The following MYL1 variants were observed in gnomAD, a reference collection of about 807,000 sequenced individuals.
The protein encoded by MYL1 is myosin light chain 1/3, skeletal muscle isoform.
MYL1 carries 16 observed loss-of-function variants against 21.8 expected under a neutral mutation model. The observed-to-expected ratio is 0.74, with a 90% confidence interval of 0.50 to 1.12. The LOEUF (loss-of-function observed/expected upper bound fraction) is 1.12, where lower values mean the gene tolerates loss of function less well. Ranked by LOEUF, MYL1 falls within the 50% of genes most tolerant of loss-of-function variation. The pLI is 0.00. For synonymous variants in MYL1, 99 were observed against 85.2 expected (o/e 1.16, Z -0.89); for missense variants, 246 against 241.0 (o/e 1.02, Z -0.14).
intron 1 of MYL1, among the ~76,000 whole-genome samples, chr2:210,305,971 A>C (rs1237262301): frequency 6.6e-6 from 1 of 152,080 alleles, no homozygotes; most frequent in Non-Finnish European, 1.5e-5. Flanking sequence ...GAGGAAGGAG[A>C]ATTGCTTAAA....
At chr2:210,299,859 A>C (rs1331000067) in intron 2 of MYL1, among the ~76,000 whole-genome samples, 1 of 152,162 alleles carries the variant, frequency 6.6e-6, no homozygotes, top group East Asian at 1.9e-4. Flanking sequence ...TTAGGCTATC[A>C]GTGGTTTCAG....
chr2:210,307,618 G>T (rs866255574), intron 1 of MYL1, among the ~76,000 whole-genome samples: 4 of 151,922 alleles, frequency 2.6e-5, no homozygotes, highest in Non-Finnish European at 5.9e-5. Context: ...CTACATATTT[G>T]CTTAGACTCT....
At chr2:210,295,940 T>C (rs1690167570) in intron 3 of MYL1, among the ~76,000 whole-genome samples, 1 of 152,182 alleles carries the variant, frequency 6.6e-6, no homozygotes, top group Non-Finnish European at 1.5e-5. Flanking sequence ...GAAATTTCCT[T>C]CCAAAGAAAA....
intron 5 of MYL1, among the ~76,000 whole-genome samples, chr2:210,293,132 AT>A (rs1372449625): frequency 6.6e-6 from 1 of 152,146 alleles, no homozygotes; most frequent in Middle Eastern, 3.2e-3. Flanking sequence ...AAATTAAAAA[AT>A]TTTTAAATTT....
intron 5 of MYL1, among the ~76,000 whole-genome samples, chr2:210,292,964 C>G (rs114371484): frequency 3.3e-5 from 5 of 152,100 alleles, no homozygotes; most frequent in Non-Finnish European, 7.4e-5. Flanking sequence ...ATATGCTTGG[C>G]TAAGCCCTTT....
chr2:210,303,630 C>T, intron 1 of MYL1: 1 of 1,561,856 alleles, frequency 6.4e-7, no homozygotes, highest in East Asian at 2.3e-5. Flanking sequence ...TCATCCCTGG[C>T]TGAGGCTTCC....
intron 3 of MYL1, among the ~76,000 whole-genome samples, chr2:210,297,474 G>A (rs1004135912): frequency 2.7e-5 from 4 of 149,664 alleles, no homozygotes; most frequent in Non-Finnish European, 4.4e-5. Context: ...TTTGAAGGAT[G>A]TCTATTCAGT....
chr2:210,298,354 A>ACACACG, intron 3 of MYL1, 66 bp downstream of exon 3: 1 of 1,561,312 alleles, frequency 6.4e-7, no homozygotes, highest in Non-Finnish European at 8.8e-7. Context: ...ACACACACAC[A>ACACACG]CACACACACA....
chr2:210,291,098 T>G, intron 5 of MYL1, 24 bp from the exon 6 acceptor site: 1 of 1,593,344 alleles, frequency 6.3e-7, no homozygotes. Context: ...ATAGACAAAA[T>G]AGACAATTTA....
rs369704318 is a variant in MYL1, at chr2:210,291,194, C to T, written c.557-120G>A. The T allele has an allele frequency of 5.1e-6, 4 of 784,808 alleles. No individual in the cohort carries two copies. The African/African-American group carries it at 7.0e-5, about 14-fold the overall frequency. The allele number at this position is 784,808 out of a possible 1,614,324, so 48.6% of individuals were successfully genotyped here. On this transcript the variant is annotated intron_variant, in intron 5 of 6. Coordinates refer to ENST00000352451, the MANE Select transcript of MYL1 (RefSeq NM_079420.3). The stretch of plus-strand genomic sequence containing the variant: ...TTTAGCTGTAACAATAGTTTCTTTT[C>T]TTTTGTATTTAAGGTGTGTATAGCT...
chr2:210,299,106 AT>A (rs1485107138), intron 2 of MYL1, among the ~76,000 whole-genome samples: 2 of 152,152 alleles, frequency 1.3e-5, no homozygotes, highest in African/African-American at 4.8e-5. Flanking sequence ...GGTGAGACAA[AT>A]CTATACATTC....
In MYL1 at chr2:210,291,104, AT is replaced by A. The variant is rs1220582038; in HGVS notation, c.557-31del. 3 of 1,585,446 alleles carry A rather than the reference AT, an allele frequency of 1.9e-6. No individual in the cohort carries two copies. The Admixed American group carries it at 5.1e-5, about 27-fold the overall frequency. Reference sequence around the variant, plus strand: ...AGGAGCAAAATAGACAAAATAGACAATTTAGAGTTAGGAAACAGTCAAATTT... The same window carrying A: ...AGGAGCAAAATAGACAAAATAGACAATTAGAGTTAGGAAACAGTCAAATTT... On this transcript the variant is annotated intron_variant, in intron 5 of 6. Coordinates refer to ENST00000352451, the MANE Select transcript of MYL1 (RefSeq NM_079420.3).
chr2:210,308,844 T>C (rs976626009), intron 1 of MYL1, among the ~76,000 whole-genome samples: 2 of 131,496 alleles, frequency 1.5e-5, no homozygotes, highest in African/African-American at 5.8e-5. Flanking sequence ...TGTAATTTCT[T>C]AAAAACCTAC....
intron 1 of MYL1, among the ~76,000 whole-genome samples, chr2:210,311,858 A>T (rs1350972509): frequency 6.6e-6 from 1 of 151,996 alleles, no homozygotes; most frequent in Non-Finnish European, 1.5e-5. Flanking sequence ...AGAACCACCA[A>T]GGACAATAAC....
rs372979352 is a variant in MYL1, at chr2:210,314,907, T to C, written c.132+4A>G. Reference sequence around the variant, plus strand: ...GTGACCAAACAGTTCATCCATTTAGTTACCTTAATGGCAGAGAGGTCAATT... The same window carrying C: ...GTGACCAAACAGTTCATCCATTTAGCTACCTTAATGGCAGAGAGGTCAATT... On this transcript the variant is annotated splice_donor_region_variant and intron_variant, in intron 1 of 6. Transcript: ENST00000352451. 2 of 1,613,856 alleles carry C rather than the reference T, an allele frequency of 1.2e-6. No homozygotes were observed. The highest frequency in any genetic ancestry group is 1.7e-6 in the Non-Finnish European group (2 of 1,179,776).
At chr2:210,294,476 C>A in intron 3 of MYL1, 58 bp from the exon 4 acceptor site, 1 of 1,485,040 alleles carries the variant, frequency 6.7e-7, no homozygotes, top group Non-Finnish European at 9.2e-7. Flanking sequence ...CTCTGAGTCA[C>A]AATTTAAACT....
intron 3 of MYL1, 73 bp downstream of exon 3, chr2:210,298,347 C>G: frequency 6.7e-7 from 1 of 1,493,990 alleles, no homozygotes; most frequent in Non-Finnish European, 9.3e-7. Flanking sequence ...ACTACACACA[C>G]ACACACACAC....
intron 5 of MYL1, among the ~76,000 whole-genome samples, chr2:210,292,627 G>C (rs1315518781): frequency 2.0e-5 from 3 of 151,620 alleles, no homozygotes; most frequent in Non-Finnish European, 2.9e-5. Context: ...ATTTTTTAAA[G>C]TATGTGATTA....
At chr2:210,297,588 T>C (rs4261668) in intron 3 of MYL1, among the ~76,000 whole-genome samples, 26,412 of 151,536 alleles carry the variant, frequency 0.17, 2,939 homozygotes, top group Admixed American at 0.31. Flanking sequence ...AACTTGCAAA[T>C]GTGTCTTGTC....
Sources: gnomAD v4.1 joint callset for allele counts (sites outside exome capture counted in the v4.1 genomes callset) on GRCh38, gnomAD v4.1.1 for gene constraint, MANE v1.5 for transcripts, NCBI Gene and HGNC (gene_info 2026-07-23, HGNC 2026-07-21) for gene names.